NTM: variants seen among roughly 807,000 people sequenced by gnomAD.
The protein encoded by NTM is neurotrimin, also known as IgLON family member 2.
NTM carries 13 observed loss-of-function variants against 42.1 expected under a neutral mutation model. The ratio of observed to expected loss-of-function variants is 0.31; its 90% CI spans 0.20 to 0.49. The LOEUF is 0.49. Ranked by LOEUF, NTM falls within the 20% of genes least tolerant of loss-of-function variation. The pLI is 0.99. For synonymous variants in NTM, 187 were observed against 179.2 expected (o/e 1.04, Z -0.35); for missense variants, 373 against 452.8 (o/e 0.82, Z 1.60).
chr11:132,102,289 AG>A (rs1361786852), intron 2 of NTM, among the ~76,000 whole-genome samples: 4 of 152,212 alleles, frequency 2.6e-5, no homozygotes, highest in Non-Finnish European at 5.9e-5. Flanking sequence ...ATAAACCTGA[AG>A]GGGACAGGGG....
In NTM at chr11:131,421,503, C is replaced by T. The variant is rs1591620293; in HGVS notation, c.82+50615C>T. Among the ~76,000 whole-genome samples, 4 of 152,270 alleles carry T rather than the reference C, an allele frequency of 2.6e-5. No homozygotes were observed. In the South Asian group the frequency reaches 8.3e-4, roughly 32 times the overall value. On this transcript the variant is annotated intron_variant, in intron 1 of 8. Transcript: ENST00000683400. ...ATACCAAGACTAATGATCTGGTAAC[C>T]CTCCAGAAAGGCATCCAGGAACAGG...
At chr11:131,662,819 G>C (rs901827203) in intron 1 of NTM, among the ~76,000 whole-genome samples, 1 of 152,098 alleles carries the variant, frequency 6.6e-6, no homozygotes, top group Non-Finnish European at 1.5e-5. Context: ...TCAGCTTGGG[G>C]CGGGGAACGC....
intron 3 of NTM, among the ~76,000 whole-genome samples, chr11:132,207,364 T>C (rs1490059585): frequency 6.6e-6 from 1 of 152,166 alleles, no homozygotes. Context: ...GAAAATCTAA[T>C]GCCTGATGAT....
chr11:131,955,388 T>C (rs2061450106), intron 2 of NTM, among the ~76,000 whole-genome samples: 1 of 152,132 alleles, frequency 6.6e-6, no homozygotes, highest in Non-Finnish European at 1.5e-5. Flanking sequence ...CTAGCTGGGC[T>C]CTGGGAAGTG....
chr11:131,790,062 G>A (rs1256082242), intron 1 of NTM, among the ~76,000 whole-genome samples: 1 of 151,516 alleles, frequency 6.6e-6, no homozygotes, highest in African/African-American at 2.4e-5. Flanking sequence ...TCAAATTAGT[G>A]GCCTACAATA....
chr11:132,175,529 T>C (rs2137928161), intron 3 of NTM, among the ~76,000 whole-genome samples: 1 of 152,286 alleles, frequency 6.6e-6, no homozygotes, highest in East Asian at 1.9e-4. Flanking sequence ...AACTGAGAAC[T>C]TTTAATTCAG....
intron 1 of NTM, among the ~76,000 whole-genome samples, chr11:131,525,027 C>T (rs912636431): frequency 1.3e-5 from 2 of 151,564 alleles, no homozygotes; most frequent in Admixed American, 1.3e-4. Context: ...GGGATGTATC[C>T]TAAGTAATTT....
At chr11:131,548,883 G>A (rs952896094) in intron 1 of NTM, among the ~76,000 whole-genome samples, 1 of 152,146 alleles carries the variant, frequency 6.6e-6, no homozygotes, top group Non-Finnish European at 1.5e-5. Flanking sequence ...AGAAAGGATA[G>A]CAATGAGGAA....
At chr11:132,105,599 G>A (rs1178914121) in intron 2 of NTM, among the ~76,000 whole-genome samples, 1 of 152,152 alleles carries the variant, frequency 6.6e-6, no homozygotes, top group East Asian at 1.9e-4. Flanking sequence ...CAGCAGAGAA[G>A]CGTTGATCCT....
chr11:131,847,729 AT>A (rs2045083876), intron 1 of NTM, among the ~76,000 whole-genome samples: 2 of 152,212 alleles, frequency 1.3e-5, no homozygotes, highest in Non-Finnish European at 1.5e-5. Flanking sequence ...CCAAAAAAAA[AT>A]AAAAATAAAA....
intron 1 of NTM, among the ~76,000 whole-genome samples, chr11:131,511,202 A>G (rs1385019589): frequency 6.6e-6 from 1 of 152,170 alleles, no homozygotes; most frequent in Non-Finnish European, 1.5e-5. Context: ...GAGGCATCTG[A>G]GCAGGGAAGC....
chr11:131,797,880 A>G (rs1591930246), intron 1 of NTM, among the ~76,000 whole-genome samples: 1 of 152,280 alleles, frequency 6.6e-6, no homozygotes, highest in Admixed American at 6.5e-5. Context: ...CCCCTCCACA[A>G]ATTTTAAGCA....
chr11:131,953,794 T>A (rs999160988), intron 2 of NTM, among the ~76,000 whole-genome samples: 12 of 151,852 alleles, frequency 7.9e-5, no homozygotes, highest in African/African-American at 2.9e-4. Flanking sequence ...TAAAAAGAGT[T>A]TAAGAAATGA....
chr11:132,182,294 T>C (rs11604581), intron 3 of NTM, among the ~76,000 whole-genome samples: 21,611 of 152,084 alleles, frequency 0.14, 1,654 homozygotes, highest in East Asian at 0.26. Context: ...AAGCCCTAGG[T>C]CATGACTGGA....
chr11:131,926,583 G>A (rs1466440964), intron 2 of NTM, among the ~76,000 whole-genome samples: 1 of 152,134 alleles, frequency 6.6e-6, no homozygotes, highest in Non-Finnish European at 1.5e-5. Flanking sequence ...GGGATCTGGG[G>A]GGTCCTCGGT....
intron 2 of NTM, among the ~76,000 whole-genome samples, chr11:132,004,096 A>G (rs1253739125): frequency 1.3e-5 from 2 of 152,184 alleles, no homozygotes; most frequent in African/African-American, 4.8e-5. Context: ...ACCAAAGGGA[A>G]TTATAGGGGA....
chr11:131,822,269 A>G lies in NTM; in HGVS notation c.83-89295A>G, dbSNP rs556780847. Among the ~76,000 whole-genome samples, 5 of 151,628 alleles carry G rather than the reference A, an allele frequency of 3.3e-5. No individual in the cohort carries two copies. The South Asian group carries it at 1.0e-3, about 32-fold the overall frequency. On this transcript the variant is annotated intron_variant, in intron 1 of 8. Transcript: ENST00000683400. ...ACTGCATCCTCATCCTTTCTTCTTC[A>G]TTCTCATGGCCTCCTGGCACCTCCA...
intron 4 of NTM, among the ~76,000 whole-genome samples, chr11:132,242,178 C>T (rs1199659511): frequency 6.6e-6 from 1 of 152,194 alleles, no homozygotes; most frequent in Admixed American, 6.5e-5. Context: ...ACTAGTGGAG[C>T]CTTCCCCATC....
intron 1 of NTM, among the ~76,000 whole-genome samples, chr11:131,615,162 G>T (rs1300558970): frequency 6.6e-6 from 1 of 152,204 alleles, no homozygotes; most frequent in East Asian, 1.9e-4. Context: ...ATTGGGCTCT[G>T]AGAGACCTGG....
Sources: gnomAD v4.1 joint callset for allele counts (sites outside exome capture counted in the v4.1 genomes callset) on GRCh38, gnomAD v4.1.1 for gene constraint, MANE v1.5 for transcripts, NCBI Gene and HGNC (gene_info 2026-07-23, HGNC 2026-07-21) for gene names.